PDZRN4: variants seen among roughly 807,000 people sequenced by gnomAD.
The protein encoded by PDZRN4 is PDZ domain-containing RING finger protein 4.
Under a neutral mutation model 99.0 loss-of-function variants are expected in PDZRN4, and 70 were observed. The ratio of observed to expected loss-of-function variants is 0.71; its 90% confidence interval spans 0.58 to 0.86. The LOEUF (loss-of-function observed/expected upper bound fraction) is 0.86, where lower values mean the gene tolerates loss of function less well. PDZRN4 is among the 40% of genes least tolerant of loss of function. The pLI is 0.00. For synonymous variants in PDZRN4, 551 were observed against 501.6 expected, an observed-to-expected ratio of 1.10 and a Z score of -1.32; for missense variants, 1,474 against 1,331.2, an observed-to-expected ratio of 1.11 and a Z score of -1.67.
At chr12:41,334,327 T>C (rs2121000431) in intron 3 of PDZRN4, among the ~76,000 whole-genome samples, 1 of 151,610 alleles carries the variant, frequency 6.6e-6, no homozygotes, top group South Asian at 2.1e-4. Context: ...AGTCCATCTT[T>C]GGTAGTATAC....
intron 3 of PDZRN4, among the ~76,000 whole-genome samples, chr12:41,227,782 C>T (rs1951003848): frequency 6.6e-6 from 1 of 151,772 alleles, no homozygotes; most frequent in South Asian, 2.1e-4. Context: ...GCCTACTTCT[C>T]TCCTGTGTGA....
chr12:41,525,207 C>T (rs1227921417), intron 5 of PDZRN4, among the ~76,000 whole-genome samples: 1 of 151,736 alleles, frequency 6.6e-6, no homozygotes, highest in Non-Finnish European at 1.5e-5. Context: ...TGAGAGAGTC[C>T]CAGGGGAGAG....
At chr12:41,536,407 T>A (rs1938749086) in intron 5 of PDZRN4, among the ~76,000 whole-genome samples, 1 of 152,020 alleles carries the variant, frequency 6.6e-6, no homozygotes, top group Admixed American at 6.6e-5. Flanking sequence ...AGATCAGTGG[T>A]TTTCAGAGGA....
chr12:41,470,928 G>A (rs1952983641), intron 3 of PDZRN4, among the ~76,000 whole-genome samples: 1 of 152,168 alleles, frequency 6.6e-6, no homozygotes, highest in African/African-American at 2.4e-5. Context: ...AGCAGCCATA[G>A]ACAATAAACA....
intron 3 of PDZRN4, among the ~76,000 whole-genome samples, chr12:41,332,914 C>T (rs546166243): frequency 1.7e-4 from 26 of 152,032 alleles, no homozygotes; most frequent in Non-Finnish European, 3.1e-4. Flanking sequence ...TTTCAAATGC[C>T]TTGCATGGAT....
chr12:41,342,396 AACAG>A (rs1212296350), intron 3 of PDZRN4, among the ~76,000 whole-genome samples: 1 of 151,942 alleles, frequency 6.6e-6, no homozygotes, highest in Non-Finnish European at 1.5e-5. Context: ...AGAAACCCTT[AACAG>A]ACAACCTACA....
intron 3 of PDZRN4, among the ~76,000 whole-genome samples, chr12:41,416,307 A>C (rs1030671043): frequency 2.0e-5 from 3 of 152,146 alleles, no homozygotes; most frequent in Admixed American, 2.0e-4. Flanking sequence ...CCTCTTTCTG[A>C]AAACAAAAAA....
rs569941016 is a variant in PDZRN4, at chr12:41,296,700, C to G, written c.843+102512C>G. On this transcript the variant is annotated intron_variant, in intron 3 of 9. Transcript: ENST00000402685. ...TAAGGCTGGGCATGGTGGCTTACACCTGTAATCCCAGCAACTTGGGAGGCT... is the reference window on the plus strand; with the variant it reads ...TAAGGCTGGGCATGGTGGCTTACACGTGTAATCCCAGCAACTTGGGAGGCT... 2.7e-3 allele frequency among the ~76,000 whole-genome samples: 411 copies of G among 152,266 alleles called. 2 individuals carry two copies. Among genetic ancestry groups the G allele is most frequent in the Middle Eastern group, 0.017 (5 of 294 alleles).
At position 41,189,053 on chromosome 12, in the gene PDZRN4, A is replaced by T; in HGVS notation, c.598A>T (p.Met200Leu). 6.3e-7 allele frequency: 1 copy of T among 1,577,832 alleles called. No individual in the cohort carries two copies. Among genetic ancestry groups the T allele is most frequent in the Non-Finnish European group, 8.5e-7 (1 of 1,170,256 alleles). Reference sequence around the variant, plus strand: ...GTACCAGGAGAAGTTCACCCAATACATGGCTCACGTCCGCAACTTCGTCGG... The same window carrying T: ...GTACCAGGAGAAGTTCACCCAATACTTGGCTCACGTCCGCAACTTCGTCGG... ...RRYQEKFTQYMAHVRNFVGDL... is the reference protein window; with the variant it reads ...RRYQEKFTQYLAHVRNFVGDL... The change falls in exon 1 of 10, where the codon ATG (methionine) becomes TTG (leucine). Residue 200 changes from methionine (M) to leucine (L), a missense_variant. Met to Leu is a conservative substitution (Grantham distance 15). Coordinates refer to ENST00000402685, the MANE Select transcript of PDZRN4 (RefSeq NM_001164595.2).
intron 3 of PDZRN4, among the ~76,000 whole-genome samples, chr12:41,504,640 C>T (rs747541582): frequency 3.3e-5 from 5 of 152,116 alleles, no homozygotes; most frequent in East Asian, 1.9e-4. Flanking sequence ...GTAGTGGCCC[C>T]GGCCTGAGCA....
intron 3 of PDZRN4, among the ~76,000 whole-genome samples, chr12:41,275,756 A>T (rs1281402877): frequency 6.6e-6 from 1 of 152,196 alleles, no homozygotes; most frequent in Admixed American, 6.5e-5. Context: ...ATATGGCCAC[A>T]AGAGTAGGAA....
chr12:41,291,891 G>A (rs995685110), intron 3 of PDZRN4, among the ~76,000 whole-genome samples: 1 of 152,082 alleles, frequency 6.6e-6, no homozygotes, highest in East Asian at 1.9e-4. Context: ...TACATGAGAT[G>A]CAACCTTACT....
At chr12:41,548,761 AG>A (rs1939002658) in intron 5 of PDZRN4, among the ~76,000 whole-genome samples, 1 of 152,006 alleles carries the variant, frequency 6.6e-6, no homozygotes, top group Admixed American at 6.6e-5. Context: ...TTTTTTTCTA[AG>A]TTTCTCATTT....
At chr12:41,195,611 A>C (rs1303817529) in intron 3 of PDZRN4, among the ~76,000 whole-genome samples, 1 of 152,204 alleles carries the variant, frequency 6.6e-6, no homozygotes, top group African/African-American at 2.4e-5. Flanking sequence ...TGCCAAAAAA[A>C]AAACTTTGAT....
chr12:41,419,304 G>T (rs1313556500), intron 3 of PDZRN4, among the ~76,000 whole-genome samples: 1 of 152,112 alleles, frequency 6.6e-6, no homozygotes, highest in Non-Finnish European at 1.5e-5. Flanking sequence ...GTACAATAGT[G>T]TAACAGCTGG....
intron 3 of PDZRN4, among the ~76,000 whole-genome samples, chr12:41,353,005 A>G (rs1178558116): frequency 1.3e-5 from 2 of 152,110 alleles, no homozygotes; most frequent in South Asian, 2.1e-4. Context: ...CTTGGACAAT[A>G]TAGTTGGCAA....
chr12:41,402,842 G>A (rs557443838), intron 3 of PDZRN4, among the ~76,000 whole-genome samples: 74 of 151,694 alleles, frequency 4.9e-4, no homozygotes, highest in African/African-American at 1.4e-3. Flanking sequence ...CAGCGTCAGC[G>A]TCTTATGTCT....
intron 3 of PDZRN4, among the ~76,000 whole-genome samples, chr12:41,314,036 A>G (rs1447896522): frequency 6.6e-6 from 1 of 152,190 alleles, no homozygotes; most frequent in Non-Finnish European, 1.5e-5. Context: ...GAGACCACCT[A>G]TTACATCTTG....
chr12:41,471,836 G>A (rs1952993906), intron 3 of PDZRN4, among the ~76,000 whole-genome samples: 1 of 151,662 alleles, frequency 6.6e-6, no homozygotes, highest in South Asian at 2.1e-4. Context: ...CTTTGTAGAA[G>A]TCAATTTGCT....
Sources: allele counts gnomAD v4.1 joint callset (sites outside exome capture counted in the v4.1 genomes callset), GRCh38; gene constraint gnomAD v4.1.1; transcripts MANE v1.5; gene names NCBI Gene and HGNC (gene_info 2026-07-23, HGNC 2026-07-21).